The following SHLD1 variants were observed in gnomAD, a reference collection of about 807,000 sequenced individuals.
SHLD1 encodes the protein RINN1-REV7-interacting novel NHEJ regulator 3.
A neutral mutation model predicts 5.5 loss-of-function variants in SHLD1; 3 were observed. The ratio of observed to expected loss-of-function variants is 0.54; its 90% CI spans 0.25 to 1.40. The LOEUF (loss-of-function observed/expected upper bound fraction) is 1.40, where lower values mean the gene tolerates loss of function less well. Ranked by LOEUF, SHLD1 falls within the 40% of genes most tolerant of loss-of-function variation. SHLD1 has a pLI of 0.15. For synonymous variants in SHLD1, 92 were observed against 94.3 expected, an observed-to-expected ratio of 0.98 and a Z score of 0.14; for missense variants, 210 against 244.4, an observed-to-expected ratio of 0.86 and a Z score of 0.94.
intron 2 of SHLD1, among the ~76,000 whole-genome samples, chr20:5,832,388 C>A (rs1012698972): frequency 1.3e-5 from 2 of 152,206 alleles, no homozygotes; most frequent in Non-Finnish European, 2.9e-5. Context: ...GGATTAAGAT[C>A]GGGGCTTTCA....
At chr20:5,786,366 C>T (rs546534419) in intron 2 of SHLD1, among the ~76,000 whole-genome samples, 1 of 152,268 alleles carries the variant, frequency 6.6e-6, no homozygotes, top group African/African-American at 2.4e-5. Context: ...CGCTTGAAGC[C>T]AGGAGTTCGA....
chr20:5,771,970 G>A (rs1167651870), intron 1 of SHLD1: 1 of 430,070 alleles, frequency 2.3e-6, no homozygotes, highest in Non-Finnish European at 4.6e-6. Context: ...CGCTTCGCAA[G>A]TTCAAGGGAT....
chr20:5,840,792 A>G (rs148470299), intron 2 of SHLD1, among the ~76,000 whole-genome samples: 1 of 152,330 alleles, frequency 6.6e-6, no homozygotes, highest in East Asian at 1.9e-4. Flanking sequence ...TGAAGCAGCC[A>G]AAGTGATTTA....
At chr20:5,754,915 G>T (rs1404764670) in intron 1 of SHLD1, among the ~76,000 whole-genome samples, 1 of 152,118 alleles carries the variant, frequency 6.6e-6, no homozygotes, top group Non-Finnish European at 1.5e-5. Flanking sequence ...AATTACCTGG[G>T]CGTGGTGGCA....
intron 2 of SHLD1, among the ~76,000 whole-genome samples, chr20:5,841,407 T>C (rs889315044): frequency 6.6e-6 from 1 of 152,166 alleles, no homozygotes; most frequent in African/African-American, 2.4e-5. Flanking sequence ...GGGGGCCCCA[T>C]TAGGAGCTAA....
chr20:5,775,922 G>GTTTTTTTTTTTTTTTTTTTTTTTTTT (rs1391999872), intron 2 of SHLD1, among the ~76,000 whole-genome samples: 1 of 63,448 alleles, frequency 1.6e-5, no homozygotes, highest in Non-Finnish European at 3.1e-5. Flanking sequence ...GTCAGCTCAG[G>GTTTTTTTTTTTTTTTTTTTTTTTTTT]ATTTTTTTTT....
At chr20:5,763,963 AAAAAAAT>A (rs1205845766) in intron 1 of SHLD1, among the ~76,000 whole-genome samples, 4 of 145,566 alleles carry the variant, frequency 2.7e-5, no homozygotes, top group Non-Finnish European at 4.5e-5. Context: ...AAAAAAAAAA[AAAAAAAT>A]AGAAAAATCA....
chr20:5,825,355 G>A lies in SHLD1; in HGVS notation c.179-37669G>A, dbSNP rs186141387. Among the ~76,000 whole-genome samples the A allele has an allele frequency of 2.7e-3, 404 of 152,324 alleles. 2 individuals carry two copies. Among genetic ancestry groups the A allele is most frequent in the African/African-American group, 9.2e-3 (383 of 41,560 alleles). Reference sequence around the variant, plus strand: ...TGGCTGCAGGCTCCTGGCTGACCACGTTTCTAAGAGCTGGTTAATGGAGTC... The same window carrying A: ...TGGCTGCAGGCTCCTGGCTGACCACATTTCTAAGAGCTGGTTAATGGAGTC... On this transcript the variant is annotated intron_variant, in intron 2 of 2. Transcript: ENST00000303142.
intron 2 of SHLD1, among the ~76,000 whole-genome samples, chr20:5,817,904 T>C (rs1269639925): frequency 1.3e-5 from 2 of 152,154 alleles, no homozygotes; most frequent in Admixed American, 6.5e-5. Context: ...TGGATTCCCC[T>C]TCCCTGCGCT....
intron 1 of SHLD1, among the ~76,000 whole-genome samples, chr20:5,757,324 A>C (rs1984176297): frequency 6.6e-6 from 1 of 151,548 alleles, no homozygotes; most frequent in Admixed American, 6.6e-5. Context: ...CAGTCTGTCC[A>C]CCTTGACCTC....
intron 1 of SHLD1, among the ~76,000 whole-genome samples, chr20:5,755,409 A>G (rs977405202): frequency 2.5e-4 from 38 of 152,308 alleles, no homozygotes; most frequent in African/African-American, 8.7e-4. Context: ...CCTCATGAGA[A>G]TTTAATGCCT....
At chr20:5,782,492 T>G (rs952093218) in intron 2 of SHLD1, among the ~76,000 whole-genome samples, 3 of 152,328 alleles carry the variant, frequency 2.0e-5, no homozygotes, top group African/African-American at 7.2e-5. Context: ...GTAGGAAATA[T>G]CAGCCCTTTC....
intron 2 of SHLD1, among the ~76,000 whole-genome samples, chr20:5,851,409 T>C (rs1019836842): frequency 1.3e-5 from 2 of 151,972 alleles, no homozygotes; most frequent in African/African-American, 4.8e-5. Context: ...GAGGATCCCT[T>C]GAACCTAGGA....
intron 2 of SHLD1, among the ~76,000 whole-genome samples, chr20:5,778,085 A>T (rs1194068807): frequency 6.9e-6 from 1 of 144,896 alleles, no homozygotes; most frequent in African/African-American, 2.5e-5. Flanking sequence ...CTGGTATATT[A>T]TGAGGCTGAG....
At chr20:5,768,603 C>T (rs942651291) in intron 1 of SHLD1, among the ~76,000 whole-genome samples, 6 of 152,208 alleles carry the variant, frequency 3.9e-5, no homozygotes, top group African/African-American at 1.4e-4. Context: ...ATGCAAATCA[C>T]CTGTAATCAT....
chr20:5,787,941 C>T (rs535158189), intron 2 of SHLD1, among the ~76,000 whole-genome samples: 3 of 152,194 alleles, frequency 2.0e-5, no homozygotes, highest in East Asian at 1.9e-4. Context: ...AAGCCCCTGG[C>T]TTTTTTTCCT....
chr20:5,862,477 C>G (rs1600189794), intron 2 of SHLD1, among the ~76,000 whole-genome samples: 1 of 152,358 alleles, frequency 6.6e-6, no homozygotes, highest in Non-Finnish European at 1.5e-5. Flanking sequence ...TATCCTGCTG[C>G]CATCCAGGAG....
At chr20:5,833,133 CTCCTAAAACAG>C (rs1014704231) in intron 2 of SHLD1, among the ~76,000 whole-genome samples, 2 of 152,194 alleles carry the variant, frequency 1.3e-5, no homozygotes, top group African/African-American at 4.8e-5. Flanking sequence ...TAAAAATAGA[CTCCTAAAACAG>C]TCCTAAAATA....
chr20:5,811,075 A>G (rs1267231652), intron 2 of SHLD1, among the ~76,000 whole-genome samples: 2 of 152,140 alleles, frequency 1.3e-5, no homozygotes, highest in Non-Finnish European at 2.9e-5. Flanking sequence ...TCATACATCT[A>G]CTTTTGATCA....
Sources: gnomAD v4.1 joint callset for allele counts (sites outside exome capture counted in the v4.1 genomes callset) on GRCh38, gnomAD v4.1.1 for gene constraint, MANE v1.5 for transcripts, NCBI Gene and HGNC (gene_info 2026-07-23, HGNC 2026-07-21) for gene names.